The following CERS1 variants were observed in gnomAD, a reference collection of about 807,000 sequenced individuals.
CERS1 encodes ceramide synthase 1, also known as Embryonic growth/differentiation factor 1.
In CERS1, 16 loss-of-function variants were observed where a neutral mutation model predicts 35.7. That is an observed-to-expected ratio of 0.45 (90% confidence interval 0.30 to 0.68). CERS1 has a LOEUF of 0.68. Among genes scored for constraint, CERS1 ranks in the 30% least tolerant of loss-of-function variants. CERS1 has a pLI of 0.08. For missense variants in CERS1, 454 were observed against 453.9 expected (o/e 1.00, Z 0.00); for synonymous variants, 243 against 201.6 (o/e 1.21, Z -1.74).
chr19:18,869,055 G>C lies in CERS1; in HGVS notation c.*930C>G, dbSNP rs1374868661. On this transcript the variant is annotated 3_prime_UTR_variant, in exon 8 of 8. Transcript: ENST00000623882. ...CGCGCGCAGGCGGCAGGGGCCCGGGGGCGTAGCGCCAGCGCCAGGCGGAGG... is the reference window on the plus strand; with the variant it reads ...CGCGCGCAGGCGGCAGGGGCCCGGGCGCGTAGCGCCAGCGCCAGGCGGAGG... The C allele has an allele frequency of 3.8e-6, 4 of 1,062,986 alleles. No homozygotes were observed. The highest frequency in any genetic ancestry group is 4.5e-6 in the Non-Finnish European group (4 of 881,056). The allele number at this position is 1,062,986 out of a possible 1,614,324, so 65.8% of individuals were successfully genotyped here. A position where few individuals can be genotyped will look rare whatever the true frequency, so the allele number is the denominator to read the frequency against.
rs371683130 is a variant in CERS1, at chr19:18,879,334, G to A, written c.807C>T (p.His269=). ...FPLKVLYATS[H]CSLRTVPDIP... is the part of the protein sequence containing the mutation. The stretch of plus-strand genomic sequence containing the variant: ...TGTCAGGCACCGTGCGCAGACTGCA[G>A]TGACTGGTGGCATACAGGACCTTGA... Residue 269 remains histidine, a synonymous_variant, in exon 5 of 8, where the codon CAC becomes CAT. Transcript: ENST00000623882. 1 of 1,604,866 alleles carries A rather than the reference G, an allele frequency of 6.2e-7. No individual in the cohort carries two copies. Among genetic ancestry groups the A allele is most frequent in the African/African-American group, 1.3e-5 (1 of 74,768 alleles).
chr19:18,884,415 C>G, intron 2 of CERS1, 148 bp from the exon 3 acceptor site: 1 of 695,498 alleles, frequency 1.4e-6, no homozygotes, highest in Non-Finnish European at 2.2e-6. Flanking sequence ...ATTCCCAATT[C>G]TATTTTTTTT....
chr19:18,870,670 T>C lies in CERS1; in HGVS notation c.1011-51A>G. On this transcript the variant is annotated intron_variant, in intron 6 of 7. Transcript: ENST00000623882. The surrounding 1 kb of genome is among the most constrained non-coding windows in gnomAD (Gnocchi z 5.1). ...AGCCTGGGAGCCCCACGCGGCCGCC[T>C]GGCCCTCTTTCCCGCTTCTTCTCTG... 1 of 513,082 alleles carries C rather than the reference T, an allele frequency of 1.9e-6. No homozygotes were observed. The highest frequency in any genetic ancestry group is 3.5e-6 in the Non-Finnish European group (1 of 283,422). 31.8% of individuals were successfully genotyped at this position (513,082 alleles called of 1,614,324 possible). A position where few individuals can be genotyped will look rare whatever the true frequency, so the allele number is the denominator to read the frequency against.
chr19:18,896,159 G>A (rs1215513295), upstream of CERS1: 1 of 431,982 alleles, frequency 2.3e-6, no homozygotes, highest in African/African-American at 2.2e-5. The surrounding 1 kb of genome is among the most constrained non-coding windows in gnomAD (Gnocchi z 5.9). Flanking sequence ...CGCCGCAGCT[G>A]GGCCGGGGGC....
chr19:18,882,417 G>T (rs986381004), intron 3 of CERS1, among the ~76,000 whole-genome samples: 5 of 151,550 alleles, frequency 3.3e-5, no homozygotes, highest in African/African-American at 1.2e-4. Flanking sequence ...TGGATCACTT[G>T]AGGTCAGGAG....
chr19:18,893,504 G>T lies in CERS1; in HGVS notation c.321C>A (p.Leu107=), dbSNP rs780574756. The change falls in exon 2 of 8, where the codon CTC becomes CTA. Residue 107 remains leucine, a synonymous_variant. Coordinates refer to ENST00000623882, the MANE Select transcript of CERS1 (RefSeq NM_021267.5). ...AKMPESAWKF[L]FYLGSWSYSA... ...TGTAGCTCCAGCTGCCCAGGTAGAA[G>T]AGAAACTTCCAAGCGCTCTCGGGCA... 19 of 1,610,048 alleles carry T rather than the reference G, an allele frequency of 1.2e-5. No individual in the cohort carries two copies. The highest frequency in any genetic ancestry group is 1.6e-5 in the Non-Finnish European group (19 of 1,178,544).
rs1568291785 is a variant in CERS1, at chr19:18,870,327, C to T, written c.*250G>A. 1.0e-5 allele frequency: 16 copies of T among 1,544,516 alleles called. No individual in the cohort carries two copies. In the South Asian group the frequency reaches 1.8e-4, roughly 17 times the overall value. On this transcript the variant is annotated 3_prime_UTR_variant, in exon 7 of 8. Coordinates refer to ENST00000623882, the MANE Select transcript of CERS1 (RefSeq NM_021267.5). The surrounding 1 kb of genome is among the most constrained non-coding windows in gnomAD (Gnocchi z 5.1). ...TGGCATCTTCCTCCCAGGCGATGAC[C>T]AGAGAGTGCGCAGGGTCCGCGGCGG...
At chr19:18,882,139 T>TG (rs1173651891) in intron 3 of CERS1, 4 of 154,348 alleles carry the variant, frequency 2.6e-5, no homozygotes, top group East Asian at 3.9e-4. Flanking sequence ...CACCTTCAAA[T>TG]GAACTGTTCC....
chr19:18,869,207 G>C lies in CERS1; in HGVS notation c.*778C>G. 1 of 1,275,650 alleles carries C rather than the reference G, an allele frequency of 7.8e-7. No homozygotes were observed. Among genetic ancestry groups the C allele is most frequent in the South Asian group, 2.2e-5 (1 of 45,564 alleles). The allele number at this position is 1,275,650 out of a possible 1,614,324, so 79.0% of individuals were successfully genotyped here. A position where few individuals can be genotyped will look rare whatever the true frequency, so the allele number is the denominator to read the frequency against. Reference sequence around the variant, plus strand: ...GGGGTCCGCGCCCGCGCCCTGGCCCGCTTGCGCCACGCTCAGCTCCCAGCC... The same window carrying C: ...GGGGTCCGCGCCCGCGCCCTGGCCCCCTTGCGCCACGCTCAGCTCCCAGCC... On this transcript the variant is annotated 3_prime_UTR_variant, in exon 8 of 8. Coordinates refer to ENST00000623882, the MANE Select transcript of CERS1 (RefSeq NM_021267.5).
chr19:18,870,410 G>T lies in CERS1; in HGVS notation c.*167C>A, dbSNP rs1330848031. ...GTCCCCGGAGGGGCAGGGGTCCTGG[G>T]GGGCGTGGCCGGGAACTGGAGGCAG... On this transcript the variant is annotated 3_prime_UTR_variant, in exon 7 of 8. Transcript: ENST00000623882. The surrounding 1 kb of genome is among the most constrained non-coding windows in gnomAD (Gnocchi z 5.1). 29 of 1,329,266 alleles carry T rather than the reference G, an allele frequency of 2.2e-5. No individual in the cohort carries two copies. The highest frequency in any genetic ancestry group is 3.0e-5 in the Non-Finnish European group (29 of 964,808). 82.3% of individuals were successfully genotyped at this position (1,329,266 alleles called of 1,614,324 possible).
At chr19:18,869,845 G>A in intron 7 of CERS1, 138 bp downstream of exon 7, 1 of 792,690 alleles carries the variant, frequency 1.3e-6, no homozygotes, top group Non-Finnish European at 2.1e-6. Context: ...GTGAGGTGCG[G>A]TGGCCGAAGT....
chr19:18,895,462 C>T lies in CERS1; in HGVS notation c.249+362G>A, dbSNP rs559939257. Among the ~76,000 whole-genome samples the T allele has an allele frequency of 2.0e-5, 3 of 151,356 alleles. No individual in the cohort carries two copies. The highest frequency in any genetic ancestry group is 4.2e-4 in the South Asian group (2 of 4,784). ...GCGGTGGCCGGAGCCATCCACCGCG[C>T]GGGGCCCCCTGGTCCCAAACTGACC... On this transcript the variant is annotated intron_variant, in intron 1 of 7. Transcript: ENST00000623882. The surrounding 1 kb of genome is among the most constrained non-coding windows in gnomAD (Gnocchi z 6.4).
In CERS1 at chr19:18,884,058, G is replaced by C. The variant is rs772442500; in HGVS notation, c.590+29C>G. 3 of 1,599,060 alleles carry C rather than the reference G, an allele frequency of 1.9e-6. No individual in the cohort carries two copies. The Admixed American group carries it at 5.1e-5, about 27-fold the overall frequency. On this transcript the variant is annotated intron_variant, in intron 3 of 7. Transcript: ENST00000623882. ...CCGCACTCTGTGTGGGCTGTGCCTC[G>C]GCCCCCTGCCACCCGATCCTGTCCT...
chr19:18,889,574 G>A (rs1457745697), intron 2 of CERS1, among the ~76,000 whole-genome samples: 5 of 152,152 alleles, frequency 3.3e-5, no homozygotes, highest in Non-Finnish European at 2.9e-5. Flanking sequence ...ACAGGCACGC[G>A]CCACCATATC....
rs578219025 is a variant in CERS1 at position 18,869,398 on chromosome 19, G to A, written c.*595-8C>T. The A allele has an allele frequency of 2.8e-4, 430 of 1,528,356 alleles. 1 individual carries two copies. The African/African-American group carries it at 5.2e-3, about 19-fold the overall frequency. 94.7% of individuals were successfully genotyped at this position (1,528,356 alleles called of 1,614,324 possible). A position where few individuals can be genotyped will look rare whatever the true frequency, so the allele number is the denominator to read the frequency against. ...AGGCCCGGGTGGGCGCACCTGGGGAGGTAGGAACAGGAACTCGGCTCGCGC... is the reference window on the plus strand; with the variant it reads ...AGGCCCGGGTGGGCGCACCTGGGGAAGTAGGAACAGGAACTCGGCTCGCGC... On this transcript the variant is annotated splice_polypyrimidine_tract_variant and splice_region_variant and intron_variant, in intron 7 of 7. Coordinates refer to ENST00000623882, the MANE Select transcript of CERS1 (RefSeq NM_021267.5).
chr19:18,877,854 C>T (rs2056088970), intron 6 of CERS1: 3 of 486,252 alleles, frequency 6.2e-6, no homozygotes, highest in Non-Finnish European at 8.0e-6. Context: ...CTGCCAGAAC[C>T]CATGTGACCC....
In CERS1 at chr19:18,896,041, G is replaced by T. The variant is rs1260997104; in HGVS notation, c.32C>A (p.Thr11Lys). MAAAGPAAGP[T>K]GPEPMPSYAQ... ...GTAGCTCGGCATGGGCTCGGGCCCCGTCGGCCCCGCCGCGGGCCCCGCCGC... is the reference window on the plus strand; with the variant it reads ...GTAGCTCGGCATGGGCTCGGGCCCCTTCGGCCCCGCCGCGGGCCCCGCCGC... Residue 11 changes from threonine (T) to lysine (K), a missense_variant, in exon 1 of 8, where the codon ACG (threonine) becomes AAG (lysine). Transcript: ENST00000623882. This position sits in a 1 kb window ranked among gnomAD's most constrained non-coding sequence, Gnocchi z 5.9. The T allele has an allele frequency of 1.0e-6, 1 of 989,470 alleles. No homozygotes were observed. The highest frequency in any genetic ancestry group is 1.1e-4 in the East Asian group (1 of 9,012). 61.3% of individuals were successfully genotyped at this position (989,470 alleles called of 1,614,324 possible). A position where few individuals can be genotyped will look rare whatever the true frequency, so the allele number is the denominator to read the frequency against.
At chr19:18,889,725 T>A (rs558517382) in intron 2 of CERS1, among the ~76,000 whole-genome samples, 1 of 152,092 alleles carries the variant, frequency 6.6e-6, no homozygotes, top group South Asian at 2.1e-4. Flanking sequence ...TCACCGCACC[T>A]GGCCTGTCCC....
intron 2 of CERS1, among the ~76,000 whole-genome samples, chr19:18,887,929 C>T (rs913772031): frequency 3.9e-5 from 6 of 152,156 alleles, no homozygotes; most frequent in African/African-American, 1.4e-4. Context: ...CTCCCCCAGC[C>T]CTGGCACCCC....
Sources: gnomAD v4.1 joint callset for allele counts (sites outside exome capture counted in the v4.1 genomes callset) on GRCh38, gnomAD v4.1.1 for gene constraint, Gnocchi (gnomAD v3.1) non-coding constraint, MANE v1.5 for transcripts, NCBI Gene and HGNC (gene_info 2026-07-23, HGNC 2026-07-21) for gene names.